Variants in IQGAP1 observed in about 807,000 individuals in gnomAD.
The protein encoded by IQGAP1 is IQ motif containing GTPase activating protein 1, also known as ras GTPase-activating-like protein IQGAP1.
Under a neutral mutation model 215.6 loss-of-function variants are expected in IQGAP1, and 66 were observed. The observed-to-expected ratio is 0.31, with a 90% CI of 0.25 to 0.38. The LOEUF is 0.38. Ranked by LOEUF, IQGAP1 falls within the 10% of genes least tolerant of loss-of-function variation. The probability of loss-of-function intolerance (pLI) is 1.00; values close to 1 mark genes in which losing one functional copy is unlikely to be tolerated. For missense variants in IQGAP1, 1,712 were observed against 1,997.1 expected, an observed-to-expected ratio of 0.86 and a Z score of 2.72; for synonymous variants, 772 against 728.7, an observed-to-expected ratio of 1.06 and a Z score of -0.96.
chr15:90,494,699 T>C lies in IQGAP1; in HGVS notation c.4629-14T>C. 6.3e-7 allele frequency: 1 copy of C among 1,594,742 alleles called. No individual in the cohort carries two copies. The highest frequency in any genetic ancestry group is 1.1e-5 in the South Asian group (1 of 88,064). The stretch of plus-strand genomic sequence containing the variant: ...TGGTTACTTATAGAAAGTGACATGA[T>C]GTGATTTTTACAGAGTCTCCAAAAA... On this transcript the variant is annotated splice_polypyrimidine_tract_variant and intron_variant, in intron 35 of 37. Transcript: ENST00000268182.
chr15:90,464,406 G>C (rs1315492860), intron 15 of IQGAP1, among the ~76,000 whole-genome samples: 1 of 152,104 alleles, frequency 6.6e-6, no homozygotes, highest in Non-Finnish European at 1.5e-5. Context: ...AAATCTAATG[G>C]GGTATCAGCA....
At chr15:90,482,878 C>G in intron 28 of IQGAP1, 1 of 252,514 alleles carries the variant, frequency 4.0e-6, no homozygotes, top group Non-Finnish European at 6.5e-6. Context: ...CCTTTGAAGT[C>G]TGCAGCATGA....
At chr15:90,459,958 T>C (rs1965738114) in intron 15 of IQGAP1, among the ~76,000 whole-genome samples, 1 of 152,204 alleles carries the variant, frequency 6.6e-6, no homozygotes, top group African/African-American at 2.4e-5. Context: ...AAGGATTAGC[T>C]AGTTCTTTAA....
At chr15:90,478,087 G>A (rs1567139535) in intron 26 of IQGAP1, among the ~76,000 whole-genome samples, 198 bp downstream of exon 26, 1 of 152,020 alleles carries the variant, frequency 6.6e-6, no homozygotes, top group Non-Finnish European at 1.5e-5. Context: ...CACCTCCCAG[G>A]TCTAAGCAAT....
chr15:90,404,858 G>A (rs1212054017), intron 2 of IQGAP1, among the ~76,000 whole-genome samples: 3 of 152,166 alleles, frequency 2.0e-5, no homozygotes, highest in Non-Finnish European at 4.4e-5. Flanking sequence ...TGGGATTACA[G>A]CCAAGAGCCA....
intron 2 of IQGAP1, among the ~76,000 whole-genome samples, chr15:90,417,721 T>G (rs1400835709): frequency 2.6e-5 from 4 of 152,202 alleles, no homozygotes; most frequent in Non-Finnish European, 5.9e-5. Context: ...CATATGAACT[T>G]TAAAGTAGTT....
At position 90,456,140 on chromosome 15, in the gene IQGAP1, C is replaced by G. The variant is rs370850854; in HGVS notation, c.1613-12C>G. On this transcript the variant is annotated splice_polypyrimidine_tract_variant and intron_variant, in intron 14 of 37. Coordinates refer to ENST00000268182, the MANE Select transcript of IQGAP1 (RefSeq NM_003870.4). The stretch of plus-strand genomic sequence containing the variant: ...ATTAGAAAAAAAAAACTTTCTGTCT[C>G]TTTATATTTAGGGATTTTAGCCATT... 6.2e-7 allele frequency: 1 copy of G among 1,607,770 alleles called. No individual in the cohort carries two copies. The highest frequency in any genetic ancestry group is 8.5e-7 in the Non-Finnish European group (1 of 1,177,396).
intron 1 of IQGAP1, among the ~76,000 whole-genome samples, chr15:90,390,359 A>G (rs1012723620): frequency 1.6e-4 from 24 of 152,224 alleles, no homozygotes; most frequent in Non-Finnish European, 2.8e-4. Flanking sequence ...TGGGGTTTCA[A>G]TGAGAGAATG....
intron 23 of IQGAP1, among the ~76,000 whole-genome samples, chr15:90,476,363 G>A (rs1008601770): frequency 6.6e-6 from 1 of 152,082 alleles, no homozygotes; most frequent in Non-Finnish European, 1.5e-5. Flanking sequence ...TGCAATTAAT[G>A]TTTCAATATA....
In IQGAP1 at chr15:90,399,163, A is replaced by T. The variant is rs143040716; in HGVS notation, c.155+8290A>T. Among the ~76,000 whole-genome samples the T allele has an allele frequency of 8.7e-3, 1,321 of 151,678 alleles. 26 individuals are homozygous for T. The highest frequency in any genetic ancestry group is 0.03 in the African/African-American group (1,223 of 41,316). ...TTTTTTGTAGAGATGGGGTTTCTCT[A>T]TGTTGCCAGGCTGGTCTTCATCTCC... is the stretch of plus-strand genomic sequence containing the variant. On this transcript the variant is annotated intron_variant, in intron 2 of 37. Coordinates refer to ENST00000268182, the MANE Select transcript of IQGAP1 (RefSeq NM_003870.4).
chr15:90,477,257 G>C, intron 25 of IQGAP1, 27 bp downstream of exon 25: 1 of 1,603,186 alleles, frequency 6.2e-7, no homozygotes. Context: ...TCAGGGCACA[G>C]GCCCCTTCCC....
At chr15:90,458,012 C>G (rs571888070) in intron 15 of IQGAP1, among the ~76,000 whole-genome samples, 4 of 152,308 alleles carry the variant, frequency 2.6e-5, no homozygotes, top group Admixed American at 2.0e-4. Context: ...CCAAGAGAAA[C>G]TCAGTACCCA....
chr15:90,454,671 T>C, intron 14 of IQGAP1, 119 bp downstream of exon 14: 1 of 1,128,228 alleles, frequency 8.9e-7, no homozygotes, highest in African/African-American at 1.6e-5. Flanking sequence ...AAAATATCTA[T>C]ATAACACAAA....
chr15:90,416,994 C>T (rs1965061409), intron 2 of IQGAP1, among the ~76,000 whole-genome samples: 1 of 152,166 alleles, frequency 6.6e-6, no homozygotes, highest in Admixed American at 6.5e-5. Flanking sequence ...TGTCTGTTGG[C>T]TGCATAAATG....
Position 90,492,569 on chromosome 15 carries a change from C to A in IQGAP1, c.4486C>A (p.Arg1496=). 6.2e-7 allele frequency: 1 copy of A among 1,608,968 alleles called. No individual in the cohort carries two copies. The highest frequency in any genetic ancestry group is 8.5e-7 in the Non-Finnish European group (1 of 1,178,542). The part of the protein sequence containing the change: ...ARDIRNQRRY[R]QRRKAELVKL... ...GGATATTCGGAATCAGCGGAGGTAC[C>A]GACAGAGGAGAAAGGCCGAACTAGT... Residue 1496 remains arginine (R), a synonymous_variant, in exon 35 of 38, where the codon CGA becomes AGA. Transcript: ENST00000268182.
At chr15:90,439,308 C>G in intron 5 of IQGAP1, 24 bp from the exon 6 acceptor site, 1 of 1,605,722 alleles carries the variant, frequency 6.2e-7, no homozygotes, top group Non-Finnish European at 8.5e-7. Context: ...GGAGGCCTAA[C>G]CTTTTGCATA....
At chr15:90,430,586 G>T (rs566942644) in intron 4 of IQGAP1, among the ~76,000 whole-genome samples, 1 of 152,204 alleles carries the variant, frequency 6.6e-6, no homozygotes, top group African/African-American at 2.4e-5. Context: ...AACGGTTGAA[G>T]GTTATAGGAG....
intron 9 of IQGAP1, 72 bp downstream of exon 9, chr15:90,443,550 C>G (rs1419646188): frequency 2.3e-6 from 2 of 851,150 alleles, no homozygotes; most frequent in Non-Finnish European, 3.8e-6. Context: ...TATTCTGGGA[C>G]TTACAACATA....
chr15:90,441,396 G>T, intron 7 of IQGAP1, 110 bp from the exon 8 acceptor site: 1 of 894,162 alleles, frequency 1.1e-6, no homozygotes, highest in Non-Finnish European at 1.7e-6. Flanking sequence ...GTGAAAAGGA[G>T]CCTCTGTCTC....
Sources: gnomAD v4.1 joint callset for allele counts (sites outside exome capture counted in the v4.1 genomes callset) on GRCh38, gnomAD v4.1.1 for gene constraint, MANE v1.5 for transcripts, NCBI Gene and HGNC (gene_info 2026-07-23, HGNC 2026-07-21) for gene names.